CHMP1A: variants seen among roughly 807,000 people sequenced by gnomAD.
The protein encoded by CHMP1A is VPS46 homolog A.
Under a neutral mutation model 27.0 loss-of-function variants are expected in CHMP1A, and 17 were observed. The observed-to-expected ratio is 0.63, with a 90% CI of 0.43 to 0.95. CHMP1A has a LOEUF of 0.95. CHMP1A is among the 40% of genes least tolerant of loss of function. CHMP1A has a pLI of 0.00. For missense variants in CHMP1A, 275 were observed against 264.0 expected, an observed-to-expected ratio of 1.04 and a Z score of -0.29; for synonymous variants, 131 against 107.5, an observed-to-expected ratio of 1.22 and a Z score of -1.35.
At position 89,649,475 on chromosome 16, in the gene CHMP1A, T is replaced by C; in HGVS notation, c.128A>G (p.Glu43Gly). Residue 43 changes from glutamate (E) to glycine (G), a missense_variant, in exon 4 of 7, where the codon GAG (glutamate) becomes GGG (glycine). Glu to Gly is a moderately conservative substitution (Grantham distance 98, BLOSUM62 -2). Transcript: ENST00000397901. The part of the protein sequence containing the change: ...VKKALLQKNV[E>G]CARVYAENAI... The stretch of plus-strand genomic sequence containing the variant: ...GTTCTCGGCATACACACGGGCACAC[T>C]CTACATTTTTCTGCAGAAGGGCCTG... 1 of 1,613,698 alleles carries C rather than the reference T, an allele frequency of 6.2e-7. No homozygotes were observed. The highest frequency in any genetic ancestry group is 8.5e-7 in the Non-Finnish European group (1 of 1,179,868).
At chr16:89,646,152 C>T (rs1051335093) in intron 6 of CHMP1A, 65 bp from the exon 7 acceptor site, 6 of 1,432,798 alleles carry the variant, frequency 4.2e-6, no homozygotes, top group Admixed American at 4.6e-5. Context: ...CCACGTGCTC[C>T]CAGCACAGGT....
chr16:89,653,078 C>A (rs1444086283), intron 2 of CHMP1A, among the ~76,000 whole-genome samples: 1 of 138,650 alleles, frequency 7.2e-6, no homozygotes, highest in Non-Finnish European at 1.5e-5. Context: ...AGTGCAGTGG[C>A]ACAATCTTGG....
intron 1 of CHMP1A, 88 bp downstream of exon 1, chr16:89,657,494 G>A (rs2151520589): frequency 2.0e-6 from 3 of 1,536,290 alleles, no homozygotes; most frequent in Admixed American, 1.8e-5. Context: ...AGTCCTGCCC[G>A]CGGCCCCAGG....
At chr16:89,655,510 T>A (rs1390912456) in intron 1 of CHMP1A, among the ~76,000 whole-genome samples, 1 of 152,130 alleles carries the variant, frequency 6.6e-6, no homozygotes, top group Admixed American at 6.5e-5. Flanking sequence ...CTTCCAGCCG[T>A]GTGTGGCAGC....
At chr16:89,653,763 G>T in intron 2 of CHMP1A, 141 bp downstream of exon 2, 1 of 840,556 alleles carries the variant, frequency 1.2e-6, no homozygotes, top group Non-Finnish European at 2.0e-6. Flanking sequence ...CCCCTCCTTG[G>T]TCAGCAGTCT....
At chr16:89,647,645 T>G (rs547130313) in intron 4 of CHMP1A, among the ~76,000 whole-genome samples, 5 of 60,738 alleles carry the variant, frequency 8.2e-5, no homozygotes, top group African/African-American at 2.6e-4. Flanking sequence ...GCCGCCGACG[T>G]GGGGACCCAG....
chr16:89,647,173 G>A (rs941137009), intron 5 of CHMP1A, 30 bp downstream of exon 5: 3 of 1,604,184 alleles, frequency 1.9e-6, no homozygotes, highest in African/African-American at 2.7e-5. Flanking sequence ...TTGTCCCCAG[G>A]CCACAGCCCC....
At chr16:89,647,422 G>C (rs2059783993) in intron 4 of CHMP1A, 91 bp from the exon 5 acceptor site, 1 of 1,301,362 alleles carries the variant, frequency 7.7e-7, no homozygotes, top group African/African-American at 1.5e-5. Context: ...TGACAGGAGA[G>C]CTGGGGCACC....
In CHMP1A at chr16:89,652,320, A is replaced by G. The variant is rs200882596; in HGVS notation, c.28-674T>C. ...TGGCAACCCATCTGGAATCACAGACACCCTGGTATCAGGTAGCCCTGGCCA... is the reference window on the plus strand; with the variant it reads ...TGGCAACCCATCTGGAATCACAGACGCCCTGGTATCAGGTAGCCCTGGCCA... On this transcript the variant is annotated intron_variant, in intron 2 of 6. Coordinates refer to ENST00000397901, the MANE Select transcript of CHMP1A (RefSeq NM_002768.5). 1.4e-3 allele frequency among the ~76,000 whole-genome samples: 194 copies of G among 136,338 alleles called. No homozygotes were observed. The East Asian group carries it at 0.064, about 45-fold the overall frequency. 89.4% of individuals were successfully genotyped at this position (136,338 alleles called of 152,430 possible).
At chr16:89,655,434 TCTCCTCACCTCAGC>T (rs2059857565) in intron 1 of CHMP1A, among the ~76,000 whole-genome samples, 22 of 150,648 alleles carry the variant, frequency 1.5e-4, no homozygotes, top group South Asian at 2.1e-4. Flanking sequence ...TCACCTCAGC[TCTCCTCACCTCAGC>T]TTTCCTCACC....
At chr16:89,654,575 G>A (rs1347466915) in intron 1 of CHMP1A, among the ~76,000 whole-genome samples, 5 of 151,920 alleles carry the variant, frequency 3.3e-5, no homozygotes, top group Non-Finnish European at 5.9e-5. Flanking sequence ...AGGCTGAGGC[G>A]GGCAGATCAC....
rs778047043 is a variant in CHMP1A at position 89,646,802 on chromosome 16, G to A, written c.382-88C>T. 3.2e-5 allele frequency: 45 copies of A among 1,387,540 alleles called. No individual in the cohort carries two copies. The African/African-American group carries it at 4.2e-4, about 13-fold the overall frequency. 86.0% of individuals were successfully genotyped at this position (1,387,540 alleles called of 1,614,324 possible). A position where few individuals can be genotyped will look rare whatever the true frequency, so the allele number is the denominator to read the frequency against. ...TCACAAGGGTACGACTGCACTTTTC[G>A]TTCCCTCACACAGCCAGCCACCTTC... On this transcript the variant is annotated intron_variant, in intron 5 of 6. Transcript: ENST00000397901.
chr16:89,651,503 A>C, intron 3 of CHMP1A, 66 bp downstream of exon 3: 1 of 1,500,206 alleles, frequency 6.7e-7, no homozygotes. Context: ...GGACACAAAA[A>C]TAAGGGCAGA....
At chr16:89,657,435 C>A in intron 1 of CHMP1A, 147 bp downstream of exon 1, 1 of 945,274 alleles carries the variant, frequency 1.1e-6, no homozygotes, top group Non-Finnish European at 1.6e-6. Flanking sequence ...GGTCGAGGCC[C>A]TGGGGATGGG....
In CHMP1A at chr16:89,644,792, G is replaced by A. The variant is rs532746940; in HGVS notation, c.*1274C>T. 5.9e-5 allele frequency: 9 copies of A among 152,588 alleles called. No individual in the cohort carries two copies. Among genetic ancestry groups the A allele is most frequent in the African/African-American group, 9.6e-5 (4 of 41,586 alleles). 9.5% of individuals were successfully genotyped at this position (152,588 alleles called of 1,614,324 possible). A position where few individuals can be genotyped will look rare whatever the true frequency, so the allele number is the denominator to read the frequency against. On this transcript the variant is annotated 3_prime_UTR_variant, in exon 7 of 7. Coordinates refer to ENST00000397901, the MANE Select transcript of CHMP1A (RefSeq NM_002768.5). ...ACTGCAGCCTCAGCATGGGCTGCAC[G>A]GGGTGGGCAGGACTGAGGAGGGGAG...
At chr16:89,649,597 A>T in intron 3 of CHMP1A, 100 bp from the exon 4 acceptor site, 6 of 1,435,004 alleles carry the variant, frequency 4.2e-6, no homozygotes, top group Non-Finnish European at 5.7e-6. Context: ...TTTGTTTGAG[A>T]CGGAGTCTTG....
intron 5 of CHMP1A, chr16:89,646,915 G>T: frequency 2.7e-6 from 2 of 739,854 alleles, no homozygotes; most frequent in Admixed American, 2.7e-5. Context: ...CTCTGACTGT[G>T]CCATGCCTGC....
chr16:89,655,783 G>A (rs1480108641), intron 1 of CHMP1A, among the ~76,000 whole-genome samples: 1 of 152,116 alleles, frequency 6.6e-6, no homozygotes, highest in Non-Finnish European at 1.5e-5. Context: ...ACGCCACCAG[G>A]CCCAGCTAAT....
chr16:89,653,018 T>G lies in CHMP1A; in HGVS notation c.27+886A>C, dbSNP rs563605920. ...CCAAGTTGTCTTTTTTTTTTTTCTT[T>G]TCTTTTTTTTTTTTTTTTTTTGAGA... On this transcript the variant is annotated intron_variant, in intron 2 of 6. Transcript: ENST00000397901. 3.8e-3 allele frequency among the ~76,000 whole-genome samples: 436 copies of G among 116,256 alleles called. 4 individuals carry two copies. Among genetic ancestry groups the G allele is most frequent in the African/African-American group, 0.013 (413 of 31,622 alleles). The allele number at this position is 116,256 out of a possible 152,430, so 76.3% of individuals were successfully genotyped here. A position where few individuals can be genotyped will look rare whatever the true frequency, so the allele number is the denominator to read the frequency against.
Sources: gnomAD v4.1 joint callset for allele counts (sites outside exome capture counted in the v4.1 genomes callset) on GRCh38, gnomAD v4.1.1 for gene constraint, MANE v1.5 for transcripts, NCBI Gene and HGNC (gene_info 2026-07-23, HGNC 2026-07-21) for gene names.